PCDHGA5: variants seen among roughly 807,000 people sequenced by gnomAD.
The protein encoded by PCDHGA5 is protocadherin gamma subfamily A, 5.
PCDHGA5 carries 36 observed loss-of-function variants against 56.7 expected under a neutral mutation model. That is an observed-to-expected ratio of 0.64 (90% CI 0.49 to 0.84). The LOEUF is 0.84. PCDHGA5 is among the 40% of genes least tolerant of loss of function. The pLI is 0.00. For missense variants in PCDHGA5, 1,305 were observed against 1,201.5 expected, an observed-to-expected ratio of 1.09 and a Z score of -1.27; for synonymous variants, 563 against 520.2, an observed-to-expected ratio of 1.08 and a Z score of -1.12.
chr5:141,508,725 G>C (rs1447443196), intron 3 of PCDHGA5, among the ~76,000 whole-genome samples: 1 of 151,788 alleles, frequency 6.6e-6, no homozygotes, highest in Non-Finnish European at 1.5e-5. Flanking sequence ...TGTGCAGGGA[G>C]ACTACACCCC....
Position 141,485,294 on chromosome 5 carries a change from G to A in PCDHGA5, c.2422-9513G>A, listed in dbSNP as rs2099611126. Reference sequence around the variant, plus strand: ...CTACCCGGTCCCAGAGGAGTCACAGGAAGGGACTTTTGTAGGGAATGTCGC... The same window carrying A: ...CTACCCGGTCCCAGAGGAGTCACAGAAAGGGACTTTTGTAGGGAATGTCGC... On this transcript the variant is annotated intron_variant, in intron 1 of 3. Coordinates refer to ENST00000518069, the MANE Select transcript of PCDHGA5 (RefSeq NM_018918.3). The surrounding 1 kb of genome is among the most constrained non-coding windows in gnomAD (Gnocchi z 5.7). The A allele has an allele frequency of 6.2e-7, 1 of 1,614,044 alleles. No homozygotes were observed. Among genetic ancestry groups the A allele is most frequent in the Non-Finnish European group, 8.5e-7 (1 of 1,179,988 alleles).
In PCDHGA5 at chr5:141,489,163, C is replaced by T. The variant is rs2099683398; in HGVS notation, c.2422-5644C>T. 1 of 1,060,592 alleles carries T rather than the reference C, an allele frequency of 9.4e-7. No individual in the cohort carries two copies. Among genetic ancestry groups the T allele is most frequent in the Admixed American group, 2.4e-5 (1 of 41,724 alleles). The allele number at this position is 1,060,592 out of a possible 1,614,324, so 65.7% of individuals were successfully genotyped here. On this transcript the variant is annotated intron_variant, in intron 1 of 3. Coordinates refer to ENST00000518069, the MANE Select transcript of PCDHGA5 (RefSeq NM_018918.3). This position sits in a 1 kb window ranked among gnomAD's most constrained non-coding sequence, Gnocchi z 4.5. ...TGGAAGGAGACATAAGAGACTTCAGCTGCTGCATTCCAAGCCCTGGGTCTA... is the reference window on the plus strand; with the variant it reads ...TGGAAGGAGACATAAGAGACTTCAGTTGCTGCATTCCAAGCCCTGGGTCTA...
At chr5:141,426,492 T>A (rs1439487321) in intron 1 of PCDHGA5, 11 of 336,712 alleles carry the variant, frequency 3.3e-5, no homozygotes, top group South Asian at 2.6e-4. Flanking sequence ...TTAGAGTTAG[T>A]GCAGAGAAAC....
chr5:141,488,014 C>T (rs2099670661), intron 1 of PCDHGA5, among the ~76,000 whole-genome samples: 1 of 152,120 alleles, frequency 6.6e-6, no homozygotes, highest in South Asian at 2.1e-4. Context: ...TCTGAAGTAC[C>T]TTAACTCTAG....
At chr5:141,374,458 C>T (rs1183222146) in intron 1 of PCDHGA5, 1 of 1,613,426 alleles carries the variant, frequency 6.2e-7, no homozygotes. Flanking sequence ...AAATAGTGGA[C>T]ATTAATGACA....
intron 1 of PCDHGA5, chr5:141,427,685 C>T: frequency 1.2e-6 from 1 of 852,116 alleles, no homozygotes; most frequent in Non-Finnish European, 1.9e-6. Context: ...TTCCCGGAGC[C>T]TCCATCCCAC....
chr5:141,414,587 G>C (rs775783880), intron 1 of PCDHGA5: 3 of 1,613,828 alleles, frequency 1.9e-6, no homozygotes, highest in Admixed American at 3.3e-5. Context: ...AACAACGCCA[G>C]GGGTGCCTCC....
intron 3 of PCDHGA5, 72 bp from the exon 4 acceptor site, chr5:141,510,875 C>T: frequency 6.2e-7 from 1 of 1,610,120 alleles, no homozygotes; most frequent in Admixed American, 1.7e-5. Context: ...TCATTAACTG[C>T]TGGGGATATA....
chr5:141,501,331 A>ACC (rs906542724), intron 2 of PCDHGA5, among the ~76,000 whole-genome samples: 1 of 138,846 alleles, frequency 7.2e-6, no homozygotes, highest in Non-Finnish European at 1.6e-5. Flanking sequence ...ACACACACAC[A>ACC]CACCCCAAAC....
intron 1 of PCDHGA5, among the ~76,000 whole-genome samples, chr5:141,456,818 G>A (rs1214373156): frequency 1.3e-5 from 2 of 151,890 alleles, no homozygotes; most frequent in Admixed American, 6.6e-5. Context: ...CAAAAAATTA[G>A]CCATCGTGGT....
rs1467125550 is a variant in PCDHGA5 at position 141,511,799 on chromosome 5, T to G, written c.*626T>G. 6.4e-6 allele frequency: 1 copy of G among 157,228 alleles called. No homozygotes were observed. The highest frequency in any genetic ancestry group is 1.4e-5 in the Non-Finnish European group (1 of 70,874). 9.7% of individuals were successfully genotyped at this position (157,228 alleles called of 1,614,324 possible). ...TGCTTGCTGGATTTAGGGAGGGCAT[T>G]TTGCTACCAAGCCTCTTCCCAACGC... On this transcript the variant is annotated 3_prime_UTR_variant, in exon 4 of 4. Coordinates refer to ENST00000518069, the MANE Select transcript of PCDHGA5 (RefSeq NM_018918.3).
intron 1 of PCDHGA5, chr5:141,371,090 C>A (rs764906419): frequency 8.7e-6 from 14 of 1,613,702 alleles, no homozygotes; most frequent in Non-Finnish European, 1.2e-5. Context: ...GGGTAATTGT[C>A]GCAGATGCAA....
At chr5:141,374,549 G>C in intron 1 of PCDHGA5, 1 of 1,613,404 alleles carries the variant, frequency 6.2e-7, no homozygotes, top group Non-Finnish European at 8.5e-7. Flanking sequence ...TCCACTAATG[G>C]AGGTCTATGA....
At chr5:141,420,223 G>A in intron 1 of PCDHGA5, 2 of 1,604,640 alleles carry the variant, frequency 1.2e-6, no homozygotes, top group Non-Finnish European at 1.7e-6. Context: ...GCATGCTACT[G>A]GCTAGCATTT....
At chr5:141,478,442 C>T in intron 1 of PCDHGA5, 1 of 1,613,608 alleles carries the variant, frequency 6.2e-7, no homozygotes, top group Non-Finnish European at 8.5e-7. Flanking sequence ...GCTGAAGAAA[C>T]CTGGTGCAGC....
intron 2 of PCDHGA5, among the ~76,000 whole-genome samples, chr5:141,499,016 GGAAGGAA>G (rs2099788564): frequency 7.0e-6 from 1 of 143,496 alleles, no homozygotes; most frequent in Non-Finnish European, 1.5e-5. Flanking sequence ...AAGGAAGGAA[GGAAGGAA>G]GGAAGAAAAG....
At chr5:141,385,013 T>C (rs1588986326) in intron 1 of PCDHGA5, 1 of 1,614,162 alleles carries the variant, frequency 6.2e-7, no homozygotes, top group Non-Finnish European at 8.5e-7. Context: ...TGCGTCTTCC[T>C]AGCCTTCGTC....
Position 141,371,209 on chromosome 5 carries a change from G to A in PCDHGA5, c.2421+4458G>A, listed in dbSNP as rs143352621. 154 of 1,614,006 alleles carry A rather than the reference G, an allele frequency of 9.5e-5. No individual in the cohort carries two copies. The African/African-American group carries it at 1.8e-3, about 19-fold the overall frequency. ...GTGATGGCCATTGACATGGATGAGG[G>A]CATCAATGCCGAAATCATCTATGCC... On this transcript the variant is annotated intron_variant, in intron 1 of 3. Transcript: ENST00000518069.
At chr5:141,419,472 G>T in intron 1 of PCDHGA5, 1 of 1,612,328 alleles carries the variant, frequency 6.2e-7, no homozygotes, top group South Asian at 1.1e-5. Flanking sequence ...CGCGACCAGG[G>T]CTCGCCCGCG....
Sources: gnomAD v4.1 joint callset for allele counts (sites outside exome capture counted in the v4.1 genomes callset) on GRCh38, gnomAD v4.1.1 for gene constraint, Gnocchi (gnomAD v3.1) non-coding constraint, MANE v1.5 for transcripts, NCBI Gene and HGNC (gene_info 2026-07-23, HGNC 2026-07-21) for gene names.